ITIH5: variants seen among roughly 807,000 people sequenced by gnomAD.
The protein encoded by ITIH5 is inter-alpha-trypsin inhibitor heavy chain H5.
A neutral mutation model predicts 77.5 loss-of-function variants in ITIH5; 65 were observed. The ratio of observed to expected loss-of-function variants is 0.84; its 90% confidence interval spans 0.69 to 1.03. The LOEUF (loss-of-function observed/expected upper bound fraction) is 1.03. Ranked by LOEUF, ITIH5 falls within the 50% of genes least tolerant of loss-of-function variation. The pLI, the probability that ITIH5 is intolerant of heterozygous loss-of-function variation, is 0.00. For synonymous variants in ITIH5, 525 were observed against 494.3 expected, an observed-to-expected ratio of 1.06 and a Z score of -0.82; for missense variants, 1,208 against 1,213.1, an observed-to-expected ratio of 1.00 and a Z score of 0.06.
At chr10:7,624,215 A>G (rs1833519935) in intron 5 of ITIH5, among the ~76,000 whole-genome samples, 1 of 152,156 alleles carries the variant, frequency 6.6e-6, no homozygotes, top group Non-Finnish European at 1.5e-5. Context: ...CCTTAAAAAT[A>G]TGCATTCCCA....
chr10:7,624,876 T>TATACAC (rs1833548271), intron 5 of ITIH5, among the ~76,000 whole-genome samples: 2 of 35,624 alleles, frequency 5.6e-5, no homozygotes, highest in African/African-American at 2.2e-4. Context: ...TATATATGTA[T>TATACAC]GTATATATAT....
rs748393605 is a variant in ITIH5 at position 7,641,993 on chromosome 10, G to A, written c.233C>T (p.Ser78Phe). The change falls in exon 3 of 14, where the codon TCT becomes TTT. Residue 78 changes from serine (S) to phenylalanine (F), a missense_variant. Ser to Phe is a radical substitution (Grantham distance 155). Coordinates refer to ENST00000397146, the MANE Select transcript of ITIH5 (RefSeq NM_030569.7). ...TVSCRMLNRA[S>F]EDQDIEFQMQ... ...CTGGAACTCAATGTCCTGGTCTTCA[G>A]AAGCTCTGTTCAGCATTCTGCAGGA... 3 of 1,614,180 alleles carry A rather than the reference G, an allele frequency of 1.9e-6. No homozygotes were observed. In the South Asian group the frequency reaches 3.3e-5, roughly 18 times the overall value.
chr10:7,627,023 C>G (rs1833590784), intron 5 of ITIH5, among the ~76,000 whole-genome samples: 1 of 152,152 alleles, frequency 6.6e-6, no homozygotes, highest in Non-Finnish European at 1.5e-5. Flanking sequence ...TGCTGAGCAC[C>G]CATTCTATGC....
intron 13 of ITIH5, among the ~76,000 whole-genome samples, chr10:7,564,810 TATAC>T (rs1832107136): frequency 2.0e-5 from 3 of 151,432 alleles, no homozygotes; most frequent in African/African-American, 7.3e-5. Context: ...TGTGTGTATA[TATAC>T]ACACACACAC....
chr10:7,653,205 TCAAAA>T (rs1298987903), intron 2 of ITIH5, among the ~76,000 whole-genome samples: 4 of 152,106 alleles, frequency 2.6e-5, no homozygotes, highest in Non-Finnish European at 5.9e-5. Flanking sequence ...CTGACATCTA[TCAAAA>T]AAAAGGTTGT....
chr10:7,662,684 C>G (rs1221395913), intron 1 of ITIH5, among the ~76,000 whole-genome samples: 2 of 152,226 alleles, frequency 1.3e-5, no homozygotes, highest in African/African-American at 4.8e-5. Flanking sequence ...CCCCACCCTT[C>G]CTTTCCACCC....
At chr10:7,616,578 A>C (rs957578478) in intron 6 of ITIH5, among the ~76,000 whole-genome samples, 11 of 152,172 alleles carry the variant, frequency 7.2e-5, no homozygotes, top group African/African-American at 2.2e-4. Flanking sequence ...CGGTAATCCC[A>C]GTGCTTTGGG....
chr10:7,617,858 C>CA (rs1377494114), intron 5 of ITIH5: 5 of 152,184 alleles, frequency 3.3e-5, no homozygotes, highest in Non-Finnish European at 4.4e-5. Context: ...GAAGAGTCCC[C>CA]AATCACATTC....
intron 1 of ITIH5, among the ~76,000 whole-genome samples, chr10:7,660,886 C>T (rs897878644): frequency 1.3e-5 from 2 of 152,190 alleles, no homozygotes; most frequent in Admixed American, 6.5e-5. Flanking sequence ...ACATTGTATC[C>T]GTGACTCTAG....
chr10:7,581,191 C>T (rs548468050), intron 8 of ITIH5, among the ~76,000 whole-genome samples: 2 of 152,206 alleles, frequency 1.3e-5, no homozygotes, highest in Admixed American at 6.5e-5. Flanking sequence ...ACCCAGAAGA[C>T]GGAAGTTGCA....
chr10:7,563,609 C>A (rs1403698131), intron 13 of ITIH5, among the ~76,000 whole-genome samples: 1 of 152,220 alleles, frequency 6.6e-6, no homozygotes, highest in Non-Finnish European at 1.5e-5. Context: ...AGCTTCCCAG[C>A]TGCTAACACT....
At chr10:7,612,658 G>GTTT (rs71383926) in intron 7 of ITIH5, among the ~76,000 whole-genome samples, 38 of 136,992 alleles carry the variant, frequency 2.8e-4, no homozygotes, top group African/African-American at 9.5e-4. Context: ...AAAAAGCTGT[G>GTTT]TTTTTTTTTT....
At chr10:7,580,419 C>T (rs2130964888) in intron 8 of ITIH5, among the ~76,000 whole-genome samples, 1 of 152,308 alleles carries the variant, frequency 6.6e-6, no homozygotes, top group African/African-American at 2.4e-5. Context: ...CATGCCCAGC[C>T]TGAATGCACT....
At chr10:7,627,827 CTTTTTTTTTTTTTT>C (rs869139058) in intron 5 of ITIH5, among the ~76,000 whole-genome samples, 2 of 90,804 alleles carry the variant, frequency 2.2e-5, no homozygotes, top group African/African-American at 4.9e-5. Flanking sequence ...TGAAATTAAC[CTTTTTTTTTTTTTT>C]TTTTTTTTTT....
At chr10:7,654,965 A>T (rs1278038750) in intron 2 of ITIH5, among the ~76,000 whole-genome samples, 1 of 127,910 alleles carries the variant, frequency 7.8e-6, no homozygotes, top group Non-Finnish European at 1.7e-5. Context: ...GCAAAAAAAA[A>T]ATTTTTTTTA....
chr10:7,655,712 T>C (rs1588431373), intron 1 of ITIH5, 37 bp from the exon 2 acceptor site: 2 of 1,520,064 alleles, frequency 1.3e-6, no homozygotes, highest in Non-Finnish European at 1.8e-6. Flanking sequence ...AGGTGATTTT[T>C]AAAAGAGAAG....
At chr10:7,643,369 G>A (rs1833919469) in intron 2 of ITIH5, among the ~76,000 whole-genome samples, 1 of 152,228 alleles carries the variant, frequency 6.6e-6, no homozygotes, top group Non-Finnish European at 1.5e-5. Context: ...CGCAGTAGGT[G>A]TTTTATTCCC....
intron 5 of ITIH5, among the ~76,000 whole-genome samples, chr10:7,623,823 AAT>A (rs1554755204): frequency 3.3e-5 from 5 of 151,506 alleles, no homozygotes; most frequent in African/African-American, 1.2e-4. Context: ...AAAAAAAAAA[AAT>A]ACCTTCATAA....
chr10:7,565,070 G>GTATATATA (rs138314369), intron 13 of ITIH5, among the ~76,000 whole-genome samples: 3,206 of 135,672 alleles, frequency 0.024, 60 homozygotes, highest in African/African-American at 0.034. Flanking sequence ...CACATAGACT[G>GTATATATA]TATATATATA....
Sources: gnomAD v4.1 joint callset for allele counts (sites outside exome capture counted in the v4.1 genomes callset) on GRCh38, gnomAD v4.1.1 for gene constraint, MANE v1.5 for transcripts, NCBI Gene and HGNC (gene_info 2026-07-23, HGNC 2026-07-21) for gene names.